Variants in LAMC2 observed in about 807,000 individuals in gnomAD.
The protein encoded by LAMC2 is laminin subunit gamma 2.
In LAMC2, 97 loss-of-function variants were observed where a neutral mutation model predicts 140.2. That is an observed-to-expected ratio of 0.69 (90% CI 0.59 to 0.82). LAMC2 has a LOEUF of 0.82. Among genes scored for constraint, LAMC2 ranks in the 40% least tolerant of loss-of-function variants. LAMC2 has a pLI of 0.00. For missense variants in LAMC2, 1,402 were observed against 1,476.1 expected (o/e 0.95, Z 0.82); for synonymous variants, 513 against 540.2 (o/e 0.95, Z 0.70).
At chr1:183,210,219 A>G (rs1376844751) in intron 2 of LAMC2, among the ~76,000 whole-genome samples, 1 of 152,172 alleles carries the variant, frequency 6.6e-6, no homozygotes, top group Non-Finnish European at 1.5e-5. Context: ...AAAGGTAATA[A>G]TGTAGAGTAC....
chr1:183,241,304 C>T (rs1660131708), intron 22 of LAMC2: 2 of 984,512 alleles, frequency 2.0e-6, no homozygotes, highest in South Asian at 4.7e-5. Flanking sequence ...ACATTTGTTC[C>T]TCCCCAAACC....
chr1:183,229,601 C>T (rs1659739990), intron 11 of LAMC2, among the ~76,000 whole-genome samples: 1 of 148,300 alleles, frequency 6.7e-6, no homozygotes, highest in Non-Finnish European at 1.5e-5. Context: ...CATGTCACTG[C>T]ACTCCAGCCG....
chr1:183,215,584 C>G lies in LAMC2; in HGVS notation c.400C>G (p.Leu134Val), dbSNP rs373121302. 5 of 1,614,030 alleles carry G rather than the reference C, an allele frequency of 3.1e-6. No homozygotes were observed. The African/African-American group carries it at 5.3e-5, about 17-fold the overall frequency. Residue 134 changes from leucine to valine, a missense_variant, in exon 3 of 23, where the codon CTG (leucine) becomes GTG (valine). Leu to Val is a conservative substitution (Grantham distance 32, BLOSUM62 1). Coordinates refer to ENST00000264144, the MANE Select transcript of LAMC2 (RefSeq NM_005562.3). ...TDAGCTQDQR[L>V]LDSKCDCDPA... ...TGCGGGGTGCACCCAAGACCAGAGA[C>G]TGCTGTGAGTATTTGCATCCCACCA...
the LAMC2 span, among the ~76,000 whole-genome samples, chr1:183,258,283 C>T: frequency 3.3e-5 from 5 of 152,212 alleles, no homozygotes; most frequent in South Asian, 2.1e-4. Context: ...CCTCCACATA[C>T]GTAGATTCTA....
In LAMC2 at chr1:183,223,336, G is replaced by C. The variant is rs1195222608; in HGVS notation, c.953+12G>C. 3 of 1,613,322 alleles carry C rather than the reference G, an allele frequency of 1.9e-6. No individual in the cohort carries two copies. The highest frequency in any genetic ancestry group is 2.5e-6 in the Non-Finnish European group (3 of 1,179,282). The stretch of plus-strand genomic sequence containing the variant: ...ACTTACACATTCAGGTAAAAAGAGA[G>C]ACCATAAGTAGGTCAATTAGAGCAA... On this transcript the variant is annotated intron_variant, in intron 7 of 22. Coordinates refer to ENST00000264144, the MANE Select transcript of LAMC2 (RefSeq NM_005562.3).
Position 183,228,769 on chromosome 1 carries a change from T to C in LAMC2, c.1714+150T>C. 1 of 1,070,046 alleles carries C rather than the reference T, an allele frequency of 9.3e-7. No homozygotes were observed. Among genetic ancestry groups the C allele is most frequent in the Non-Finnish European group, 1.4e-6 (1 of 713,080 alleles). The allele number at this position is 1,070,046 out of a possible 1,614,324, so 66.3% of individuals were successfully genotyped here. The stretch of plus-strand genomic sequence containing the variant: ...GCCTGTGAGCACCCTGGGCCTTTCT[T>C]CCTCTGTCAAAGGCCTTAAGACAGG... On this transcript the variant is annotated intron_variant, in intron 11 of 22. Transcript: ENST00000264144. This position sits in a 1 kb window ranked among gnomAD's most constrained non-coding sequence, Gnocchi z 4.3.
At position 183,244,713 on chromosome 1, in the gene LAMC2, T is replaced by C. The variant is rs1204073836; in HGVS notation, c.*1313T>C. 3 of 152,640 alleles carry C rather than the reference T, an allele frequency of 2.0e-5. No homozygotes were observed. The highest frequency in any genetic ancestry group is 7.2e-5 in the African/African-American group (3 of 41,448). 9.5% of individuals were successfully genotyped at this position (152,640 alleles called of 1,614,324 possible). On this transcript the variant is annotated 3_prime_UTR_variant, in exon 23 of 23. Transcript: ENST00000264144. ...CTGGGTTGTGCACATTTCTTTGCATTCCAGCTGTCACTCTGTGCCTTTCTA... is the reference window on the plus strand; with the variant it reads ...CTGGGTTGTGCACATTTCTTTGCATCCCAGCTGTCACTCTGTGCCTTTCTA...
At chr1:183,203,480 G>GCCCCCCCCCC (rs988400385) in intron 1 of LAMC2, among the ~76,000 whole-genome samples, 2 of 100,694 alleles carry the variant, frequency 2.0e-5, no homozygotes, top group African/African-American at 7.4e-5. Flanking sequence ...CCTGCCCCCC[G>GCCCCCCCCCC]CCCCCCCTCA....
At chr1:183,253,389 T>A in the LAMC2 span, among the ~76,000 whole-genome samples, 1 of 150,712 alleles carries the variant, frequency 6.6e-6, no homozygotes, top group Non-Finnish European at 1.5e-5. Flanking sequence ...CAAATTAATA[T>A]TCATATATCC....
chr1:183,186,363 T>C lies in LAMC2; in HGVS notation c.11T>C (p.Leu4Pro). Residue 4 changes from leucine (L) to proline (P), a missense_variant, in exon 1 of 23, where the codon CTC becomes CCC. Coordinates refer to ENST00000264144, the MANE Select transcript of LAMC2 (RefSeq NM_005562.3). ...CGGCCCGGCCCCGCCATGCCTGCGC[T>C]CTGGCTGGGCTGCTGCCTCTGCTTC... The part of the protein sequence containing the change: MPA[L>P]WLGCCLCFSL... 2 of 1,602,614 alleles carry C rather than the reference T, an allele frequency of 1.2e-6. No homozygotes were observed. Among genetic ancestry groups the C allele is most frequent in the South Asian group, 1.1e-5 (1 of 90,204 alleles).
At chr1:183,238,265 G>A (rs762212676) in intron 18 of LAMC2, 42 bp from the exon 19 acceptor site, 2 of 1,433,778 alleles carry the variant, frequency 1.4e-6, no homozygotes, top group South Asian at 2.3e-5. Context: ...TTGCCAGCAG[G>A]AATGTACTTC....
In LAMC2 at chr1:183,226,987, C is replaced by A; in HGVS notation, c.1285+71C>A. 4.9e-6 allele frequency: 6 copies of A among 1,226,898 alleles called. No individual in the cohort carries two copies. The South Asian group carries it at 6.4e-5, about 13-fold the overall frequency. The allele number at this position is 1,226,898 out of a possible 1,614,324, so 76.0% of individuals were successfully genotyped here. On this transcript the variant is annotated intron_variant, in intron 9 of 22. Coordinates refer to ENST00000264144, the MANE Select transcript of LAMC2 (RefSeq NM_005562.3). ...AAGAGAGAGAGCTGTGTAAGAAAGA[C>A]CATGGCTGAACTCACATCAGAGGTG...
chr1:183,210,744 A>T (rs931780417), intron 2 of LAMC2, among the ~76,000 whole-genome samples: 2 of 152,262 alleles, frequency 1.3e-5, no homozygotes, highest in Non-Finnish European at 1.5e-5. Context: ...CTTAGTCCTC[A>T]TAACAGTCTG....
At chr1:183,201,444 T>C (rs1421696860) in intron 1 of LAMC2, among the ~76,000 whole-genome samples, 1 of 152,214 alleles carries the variant, frequency 6.6e-6, no homozygotes, top group Non-Finnish European at 1.5e-5. Flanking sequence ...CTCTTTCCTT[T>C]GTCAGGGGCA....
At position 183,236,456 on chromosome 1, in the gene LAMC2, C is replaced by G; in HGVS notation, c.2457-4C>G. The G allele has an allele frequency of 1.9e-6, 3 of 1,613,062 alleles. No individual in the cohort carries two copies. Among genetic ancestry groups the G allele is most frequent in the Non-Finnish European group, 2.5e-6 (3 of 1,179,612 alleles). On this transcript the variant is annotated splice_region_variant and splice_polypyrimidine_tract_variant and intron_variant, in intron 16 of 22. Transcript: ENST00000264144. ...TACCGCCCCCTCCCCACCCCCAACACCAGATTGGAGAAAACCAAGTCCCTG... is the reference window on the plus strand; with the variant it reads ...TACCGCCCCCTCCCCACCCCCAACAGCAGATTGGAGAAAACCAAGTCCCTG...
Position 183,226,735 on chromosome 1 carries a change from C to G in LAMC2, c.1104C>G (p.Ala368=). 2 of 1,614,204 alleles carry G rather than the reference C, an allele frequency of 1.2e-6. No homozygotes were observed. Among genetic ancestry groups the G allele is most frequent in the Non-Finnish European group, 1.7e-6 (2 of 1,180,028 alleles). The change falls in exon 9 of 23, where the codon GCC becomes GCG. Residue 368 remains alanine, a synonymous_variant. Coordinates refer to ENST00000264144, the MANE Select transcript of LAMC2 (RefSeq NM_005562.3). Reference sequence around the variant, plus strand: ...TTGACAATGTGACCCTGATTTCAGCCCGCCCTGTCTCTGGAGCCCCAGCAC... The same window carrying G: ...TTGACAATGTGACCCTGATTTCAGCGCGCCCTGTCTCTGGAGCCCCAGCAC... ...GYIDNVTLIS[A]RPVSGAPAPW...
intron 5 of LAMC2, 68 bp from the exon 6 acceptor site, chr1:183,222,021 C>T: frequency 6.2e-7 from 1 of 1,604,030 alleles, no homozygotes; most frequent in African/African-American, 1.3e-5. Context: ...GCAAGCAAAT[C>T]TTTCTTTGTT....
At chr1:183,206,507 T>C (rs1360326242) in intron 1 of LAMC2, among the ~76,000 whole-genome samples, 1 of 152,138 alleles carries the variant, frequency 6.6e-6, no homozygotes, top group Non-Finnish European at 1.5e-5. Flanking sequence ...TAGCTGGGCA[T>C]GGTGGTGCGC....
intron 12 of LAMC2, 41 bp downstream of exon 12, chr1:183,231,144 C>T (rs1047164754): frequency 1.2e-6 from 2 of 1,612,652 alleles, no homozygotes; most frequent in East Asian, 2.2e-5. Context: ...CCCACAGAAT[C>T]AAATCCTTAA....
Sources: gnomAD v4.1 joint callset for allele counts (sites outside exome capture counted in the v4.1 genomes callset) on GRCh38, gnomAD v4.1.1 for gene constraint, Gnocchi (gnomAD v3.1) non-coding constraint, MANE v1.5 for transcripts, NCBI Gene and HGNC (gene_info 2026-07-23, HGNC 2026-07-21) for gene names.